The following MAN2B2 variants were observed in gnomAD, a reference collection of about 807,000 sequenced individuals.
The protein encoded by MAN2B2 is mannosidase alpha class 2B member 2.
Under a neutral mutation model 117.1 loss-of-function variants are expected in MAN2B2, and 106 were observed. That is an observed-to-expected ratio of 0.90 (90% CI 0.77 to 1.06). The LOEUF is 1.06. Ranked by LOEUF, MAN2B2 falls within the 50% of genes least tolerant of loss-of-function variation. The probability of loss-of-function intolerance (pLI) is 0.00; values close to 1 mark genes in which losing one functional copy is unlikely to be tolerated. For synonymous variants in MAN2B2, 544 were observed against 595.1 expected (o/e 0.91, Z 1.25); for missense variants, 1,326 against 1,381.4 (o/e 0.96, Z 0.64).
chr4:6,619,764 G>C (rs1345025616), intron 17 of MAN2B2, 163 bp from the exon 18 acceptor site: 1 of 657,780 alleles, frequency 1.5e-6, no homozygotes, highest in Non-Finnish European at 2.7e-6. Flanking sequence ...CCTCGCAGAT[G>C]TGCTGTGAGA....
At chr4:6,592,416 C>G (rs979410734) in intron 5 of MAN2B2, among the ~76,000 whole-genome samples, 3 of 152,074 alleles carry the variant, frequency 2.0e-5, no homozygotes, top group African/African-American at 7.2e-5. Context: ...CCCAGGAATT[C>G]GAGACCAGCC....
At chr4:6,605,706 G>C (rs1209175469) in intron 11 of MAN2B2, among the ~76,000 whole-genome samples, 1 of 151,490 alleles carries the variant, frequency 6.6e-6, no homozygotes, top group East Asian at 1.9e-4. Flanking sequence ...CCACCCACCT[G>C]TCTACTTACC....
intron 3 of MAN2B2, among the ~76,000 whole-genome samples, chr4:6,584,702 C>A (rs549242404): frequency 6.6e-6 from 1 of 152,206 alleles, no homozygotes; most frequent in Non-Finnish European, 1.5e-5. Flanking sequence ...CAGAGGAACT[C>A]GAGGCCTGGA....
intron 9 of MAN2B2, among the ~76,000 whole-genome samples, chr4:6,600,217 T>C (rs1439225470): frequency 6.6e-6 from 1 of 152,178 alleles, no homozygotes; most frequent in Non-Finnish European, 1.5e-5. Context: ...GAGAATTCTC[T>C]GGTGGCTCAC....
At chr4:6,579,367 T>C (rs867327362) in intron 3 of MAN2B2, among the ~76,000 whole-genome samples, 107 of 36,256 alleles carry the variant, frequency 3.0e-3, no homozygotes, top group East Asian at 4.0e-3. Flanking sequence ...ACCATCACCA[T>C]CACCACCACC....
At chr4:6,576,204 C>G (rs540053230) in intron 1 of MAN2B2, among the ~76,000 whole-genome samples, 2 of 152,300 alleles carry the variant, frequency 1.3e-5, no homozygotes, top group East Asian at 3.9e-4. Flanking sequence ...GACCACACCC[C>G]GACTGAGGCC....
chr4:6,622,192 A>G lies in MAN2B2; in HGVS notation c.*907A>G, dbSNP rs1712205969. The G allele has an allele frequency of 6.6e-6, 1 of 152,268 alleles. No individual in the cohort carries two copies. The allele number at this position is 152,268 out of a possible 1,614,324, so 9.4% of individuals were successfully genotyped here. A position where few individuals can be genotyped will look rare whatever the true frequency, so the allele number is the denominator to read the frequency against. ...ATATTACGCTAAGTGAAAGAAGCCA[A>G]TCACGAGTTTATGTGAAATGTCCAG... On this transcript the variant is annotated 3_prime_UTR_variant, in exon 19 of 19. Transcript: ENST00000285599.
intron 16 of MAN2B2, among the ~76,000 whole-genome samples, chr4:6,614,636 CTAGT>C (rs1711772690): frequency 6.6e-6 from 1 of 152,166 alleles, no homozygotes; most frequent in South Asian, 2.1e-4. Context: ...GACTAAGGAA[CTAGT>C]TAAAGTCCCC....
chr4:6,586,474 T>C (rs1022645363), intron 3 of MAN2B2, among the ~76,000 whole-genome samples: 3 of 152,158 alleles, frequency 2.0e-5, no homozygotes, highest in African/African-American at 7.2e-5. Context: ...CTATCCAAGT[T>C]CACACAAAAA....
chr4:6,605,355 G>A (rs1297909847), intron 11 of MAN2B2, 26 bp downstream of exon 11: 1 of 1,588,272 alleles, frequency 6.3e-7, no homozygotes, highest in Non-Finnish European at 8.6e-7. Flanking sequence ...TGCTGTCTCT[G>A]AGGCACAGGC....
chr4:6,592,446 T>A (rs7696393), intron 5 of MAN2B2, among the ~76,000 whole-genome samples: 3,308 of 152,194 alleles, frequency 0.022, 111 homozygotes, highest in African/African-American at 0.075. Flanking sequence ...GAGCAAGACC[T>A]CGTCTCTACA....
chr4:6,589,266 G>GCAGAAGCT, intron 5 of MAN2B2, 106 bp downstream of exon 5: 1 of 855,556 alleles, frequency 1.2e-6, no homozygotes, highest in Non-Finnish European at 1.9e-6. Flanking sequence ...TAAGACAAGA[G>GCAGAAGCT]CTTCTGCTCT....
At chr4:6,611,604 G>T (rs1187100473) in intron 15 of MAN2B2, among the ~76,000 whole-genome samples, 2 of 150,250 alleles carry the variant, frequency 1.3e-5, no homozygotes, top group Admixed American at 1.3e-4. Context: ...GTCACTTTAG[G>T]TCTGGAGGCT....
At chr4:6,587,883 T>G (rs1001629225) in intron 4 of MAN2B2, among the ~76,000 whole-genome samples, 1 of 151,672 alleles carries the variant, frequency 6.6e-6, no homozygotes, top group Non-Finnish European at 1.5e-5. Flanking sequence ...GCCTCTCAAG[T>G]AGCTGGGATT....
chr4:6,577,832 C>T (rs1726128028), intron 2 of MAN2B2, among the ~76,000 whole-genome samples: 1 of 152,232 alleles, frequency 6.6e-6, no homozygotes, highest in Non-Finnish European at 1.5e-5. Flanking sequence ...GGAATTGTTG[C>T]CTGCTTCATT....
At chr4:6,610,218 G>A (rs902095502) in intron 13 of MAN2B2, among the ~76,000 whole-genome samples, 168 bp downstream of exon 13, 5 of 152,134 alleles carry the variant, frequency 3.3e-5, no homozygotes, top group Admixed American at 2.0e-4. Context: ...GCGCAATGGA[G>A]CGATCTTGGC....
rs1287834954 is a variant in MAN2B2, at chr4:6,594,693, C to T, written c.1018C>T (p.Arg340Cys). ...RALHALNVTW[R>C]VRDHHDFLPY... is the part of the protein sequence containing the mutation. ...CCTGCACGCTCTCAATGTCACCTGG[C>T]GTGTCCGCGACCACCACGACTTCCT... Residue 340 changes from arginine (R) to cysteine (C), a missense_variant, in exon 7 of 19, where the codon CGT becomes TGT. Arg to Cys is a radical substitution (Grantham distance 180). Transcript: ENST00000285599. The T allele has an allele frequency of 5.0e-6, 8 of 1,612,578 alleles. No homozygotes were observed. The highest frequency in any genetic ancestry group is 3.3e-5 in the Admixed American group (2 of 59,978).
chr4:6,579,440 T>G (rs1401176147), intron 3 of MAN2B2, among the ~76,000 whole-genome samples: 2 of 94,650 alleles, frequency 2.1e-5, no homozygotes, highest in African/African-American at 4.1e-5. Context: ...ACCACCACCC[T>G]TCACCATCAC....
chr4:6,583,198 G>A (rs1045567622), intron 3 of MAN2B2, among the ~76,000 whole-genome samples: 2 of 152,182 alleles, frequency 1.3e-5, no homozygotes, highest in African/African-American at 2.4e-5. Context: ...TGTAAAAGGC[G>A]ACCTAGAACC....
Sources: gnomAD v4.1 joint callset for allele counts (sites outside exome capture counted in the v4.1 genomes callset) on GRCh38, gnomAD v4.1.1 for gene constraint, MANE v1.5 for transcripts, NCBI Gene and HGNC (gene_info 2026-07-23, HGNC 2026-07-21) for gene names.